Variants in KAZN observed in about 807,000 individuals in gnomAD.
The protein encoded by KAZN is kazrin, periplakin interacting protein.
KAZN carries 40 observed loss-of-function variants against 87.4 expected under a neutral mutation model. The observed-to-expected ratio is 0.46, with a 90% confidence interval of 0.36 to 0.60. The LOEUF is 0.60. Ranked by LOEUF, KAZN falls within the 20% of genes least tolerant of loss-of-function variation. The pLI, the probability that KAZN is intolerant of heterozygous loss-of-function variation, is 0.00. For missense variants in KAZN, 898 were observed against 1,073.9 expected (o/e 0.84, Z 2.29); for synonymous variants, 466 against 458.3 (o/e 1.02, Z -0.22).
intron 1 of KAZN, among the ~76,000 whole-genome samples, chr1:13,980,587 G>T (rs888332741): frequency 1.3e-5 from 2 of 152,138 alleles, no homozygotes; most frequent in Admixed American, 1.3e-4. Context: ...ATATAAATTT[G>T]CATGTGCTTA....
intron 1 of KAZN, among the ~76,000 whole-genome samples, chr1:14,841,889 C>T (rs1404224777): frequency 6.6e-6 from 1 of 152,190 alleles, no homozygotes; most frequent in Non-Finnish European, 1.5e-5. Context: ...GCCACTCCAG[C>T]ATCCTGACTG....
chr1:15,054,466 A>G lies in KAZN; in HGVS notation c.727-1625A>G, dbSNP rs12043189. 4.3e-3 allele frequency among the ~76,000 whole-genome samples: 653 copies of G among 152,220 alleles called. 3 individuals carry two copies. The highest frequency in any genetic ancestry group is 0.042 in the South Asian group (204 of 4,816). The stretch of plus-strand genomic sequence containing the variant: ...GGAGTTTGAGACCAGCCTGGCCAAC[A>G]TAGTGCGACCCTGTCTCTACCAAAA... On this transcript the variant is annotated intron_variant, in intron 4 of 14. Coordinates refer to ENST00000376030, the MANE Select transcript of KAZN (RefSeq NM_201628.3).
intron 2 of KAZN, among the ~76,000 whole-genome samples, chr1:14,344,835 T>C (rs1361890241): frequency 6.6e-6 from 1 of 152,116 alleles, no homozygotes; most frequent in Non-Finnish European, 1.5e-5. Context: ...AAAAGATTTT[T>C]TTAACTCATG....
chr1:15,044,464 A>C (rs1673266650), intron 4 of KAZN, among the ~76,000 whole-genome samples: 2 of 152,142 alleles, frequency 1.3e-5, no homozygotes, highest in Non-Finnish European at 2.9e-5. Context: ...ATTAGGAAAA[A>C]AAGGCCTAGT....
intron 2 of KAZN, among the ~76,000 whole-genome samples, chr1:14,443,915 A>C (rs1318353395): frequency 6.6e-6 from 1 of 151,816 alleles, no homozygotes; most frequent in African/African-American, 2.4e-5. Flanking sequence ...TCAAGTTTCA[A>C]TTTTTTTTGT....
chr1:14,784,587 C>T (rs545659154), intron 1 of KAZN, among the ~76,000 whole-genome samples: 61 of 152,150 alleles, frequency 4.0e-4, no homozygotes, highest in Non-Finnish European at 7.2e-4. Context: ...GGTAAAACCC[C>T]GTCTCTACAA....
intron 2 of KAZN, among the ~76,000 whole-genome samples, chr1:14,412,783 A>G (rs1189579429): frequency 1.3e-5 from 2 of 151,550 alleles, no homozygotes; most frequent in Admixed American, 1.3e-4. Context: ...TTATATATGC[A>G]AAAGCAAAGA....
At chr1:14,224,503 A>T (rs909587056) in intron 2 of KAZN, among the ~76,000 whole-genome samples, 1 of 152,328 alleles carries the variant, frequency 6.6e-6, no homozygotes, top group South Asian at 2.1e-4. Context: ...ATGCCAACAG[A>T]TGCCAGAGAA....
chr1:14,636,484 G>A (rs568886586), intron 1 of KAZN, among the ~76,000 whole-genome samples: 1 of 152,246 alleles, frequency 6.6e-6, no homozygotes, highest in Admixed American at 6.5e-5. Flanking sequence ...CTCCTATGTC[G>A]CTTAAAACTG....
intron 2 of KAZN, among the ~76,000 whole-genome samples, chr1:14,587,360 C>T (rs192173619): frequency 6.6e-6 from 1 of 150,442 alleles, no homozygotes; most frequent in Admixed American, 6.7e-5. Context: ...TGCTTTAACC[C>T]GGGAGGCAGA....
Position 15,094,802 on chromosome 1 carries a change from C to A in KAZN, c.1429-13C>A, listed in dbSNP as rs1044459882. The A allele has an allele frequency of 3.9e-6, 6 of 1,543,198 alleles. No individual in the cohort carries two copies. The African/African-American group carries it at 8.2e-5, about 21-fold the overall frequency. Reference sequence around the variant, plus strand: ...TGTCCCAGCCCCCATATGACACTCCCTCCCGGGGGCAGGTGCTGCTGAGCC... The same window carrying A: ...TGTCCCAGCCCCCATATGACACTCCATCCCGGGGGCAGGTGCTGCTGAGCC... On this transcript the variant is annotated splice_polypyrimidine_tract_variant and intron_variant, in intron 9 of 14. Transcript: ENST00000376030. This position sits in a 1 kb window ranked among gnomAD's most constrained non-coding sequence, Gnocchi z 4.5.
At chr1:14,770,608 G>A (rs1234181721) in intron 1 of KAZN, among the ~76,000 whole-genome samples, 5 of 152,150 alleles carry the variant, frequency 3.3e-5, no homozygotes, top group South Asian at 4.2e-4. Context: ...GCAGCCCTGG[G>A]AGGAAGAGTG....
chr1:14,244,198 T>A (rs1649279203), intron 2 of KAZN, among the ~76,000 whole-genome samples: 1 of 152,214 alleles, frequency 6.6e-6, no homozygotes, highest in African/African-American at 2.4e-5. Context: ...TTGGGACACC[T>A]GTGTTTCCTG....
chr1:14,680,259 G>A (rs965606007), intron 1 of KAZN, among the ~76,000 whole-genome samples: 12 of 152,000 alleles, frequency 7.9e-5, no homozygotes, highest in African/African-American at 2.7e-4. Flanking sequence ...ACCAAGACAC[G>A]GAATCTTTCC....
chr1:15,071,185 C>A (rs891364622), intron 8 of KAZN, among the ~76,000 whole-genome samples: 2 of 152,168 alleles, frequency 1.3e-5, no homozygotes, highest in Non-Finnish European at 2.9e-5. Context: ...AAATGTCCCC[C>A]TGTGGGCAAA....
intron 1 of KAZN, among the ~76,000 whole-genome samples, chr1:14,156,271 G>A (rs911911292): frequency 1.3e-5 from 2 of 152,148 alleles, no homozygotes; most frequent in Non-Finnish European, 2.9e-5. Context: ...GCCTATTCTT[G>A]AGAGTGATTC....
chr1:14,611,540 A>G (rs953262884), intron 1 of KAZN, among the ~76,000 whole-genome samples: 15 of 151,820 alleles, frequency 9.9e-5, no homozygotes, highest in Admixed American at 9.8e-4. Flanking sequence ...CTTAAAAATT[A>G]GCTGGCCTTG....
At chr1:14,950,227 C>T (rs1038344520) in intron 1 of KAZN, among the ~76,000 whole-genome samples, 1 of 151,936 alleles carries the variant, frequency 6.6e-6, no homozygotes, top group Non-Finnish European at 1.5e-5. Flanking sequence ...CACCCCCTAC[C>T]GAGTGTCAGG....
rs1463548417 is a variant in KAZN at position 14,208,409 on chromosome 1, TTCATTC to T, written c.249+27818_249+27823del. 5.9e-5 allele frequency among the ~76,000 whole-genome samples: 9 copies of T among 152,356 alleles called. No homozygotes were observed. In the South Asian group the frequency reaches 1.7e-3, roughly 28 times the overall value. ...ATATTAACTCTCATTCATTGACTCA[TTCATTC>T]ACTCGTTGACTCGTTCACTTATTTA... On this transcript the variant is annotated intron_variant, in intron 2 of 16. Transcript: ENST00000636203.
Sources: allele counts gnomAD v4.1 joint callset (sites outside exome capture counted in the v4.1 genomes callset), GRCh38; gene constraint gnomAD v4.1.1; non-coding constraint Gnocchi (gnomAD v3.1); transcripts MANE v1.5; gene names NCBI Gene and HGNC (gene_info 2026-07-23, HGNC 2026-07-21).